Variants in XAF1 observed in about 807,000 individuals in gnomAD.
XAF1 encodes the protein XIAP-associated factor 1.
XAF1 carries 32 observed loss-of-function variants against 32.3 expected under a neutral mutation model. The observed-to-expected ratio is 0.99, with a 90% CI of 0.75 to 1.33. The LOEUF (loss-of-function observed/expected upper bound fraction) is 1.33, where lower values mean the gene tolerates loss of function less well. Among genes scored for constraint, XAF1 ranks in the 40% most tolerant of loss-of-function variants. The pLI, the probability that XAF1 is intolerant of heterozygous loss-of-function variation, is 0.00. For missense variants in XAF1, 379 were observed against 366.0 expected (o/e 1.04, Z -0.29); for synonymous variants, 120 against 125.9 (o/e 0.95, Z 0.31).
chr17:6,765,043 A>C (rs983523326), intron 5 of XAF1, among the ~76,000 whole-genome samples: 1 of 152,110 alleles, frequency 6.6e-6, no homozygotes, highest in Admixed American at 6.5e-5. Flanking sequence ...GGGGGGCCCC[A>C]GGGCTTAGTC....
chr17:6,756,789 C>G (rs1168984386), intron 1 of XAF1, among the ~76,000 whole-genome samples: 1 of 152,102 alleles, frequency 6.6e-6, no homozygotes, highest in African/African-American at 2.4e-5. Context: ...GATGATGCTG[C>G]CTGTGTGCCC....
chr17:6,759,397 A>G, intron 2 of XAF1: 1 of 1,372,598 alleles, frequency 7.3e-7, no homozygotes, highest in Non-Finnish European at 9.4e-7. Context: ...TTCCATGTCC[A>G]TTCCTCCTGG....
upstream of XAF1, chr17:6,755,565 A>G (rs1443287935): frequency 3.5e-5 from 35 of 1,001,920 alleles, no homozygotes; most frequent in Non-Finnish European, 3.7e-5. Flanking sequence ...CTGCATCCCC[A>G]GAGCCTCCCT....
At position 6,762,185 on chromosome 17, in the gene XAF1, T is replaced by C; in HGVS notation, c.452T>C (p.Ile151Thr). Reference sequence around the variant, plus strand: ...AGAATTTCAGCTCCTGAAAGGGAAATCTACTGTCATTATTGCAACCAAATG... The same window carrying C: ...AGAATTTCAGCTCCTGAAAGGGAAACCTACTGTCATTATTGCAACCAAATG... ...GERISAPERE[I>T]YCHYCNQMIP... Residue 151 changes from isoleucine (I) to threonine (T), a missense_variant, in exon 5 of 7, where the codon ATC (isoleucine) becomes ACC (threonine). Transcript: ENST00000361842. 6.2e-7 allele frequency: 1 copy of C among 1,613,808 alleles called. No homozygotes were observed. The highest frequency in any genetic ancestry group is 8.5e-7 in the Non-Finnish European group (1 of 1,179,842).
intron 5 of XAF1, among the ~76,000 whole-genome samples, chr17:6,765,266 A>G (rs1019370443): frequency 3.3e-5 from 5 of 152,012 alleles, no homozygotes; most frequent in African/African-American, 1.2e-4. Context: ...ACAAAAACTT[A>G]GCCGGGTGTG....
chr17:6,761,103 G>C (rs536376526), intron 4 of XAF1, among the ~76,000 whole-genome samples: 3 of 152,046 alleles, frequency 2.0e-5, no homozygotes, highest in Non-Finnish European at 4.4e-5. Flanking sequence ...GCAGTGAGTC[G>C]AGATCGTGCC....
chr17:6,762,023 G>A (rs556750003), intron 4 of XAF1, 132 bp from the exon 5 acceptor site: 1 of 1,549,618 alleles, frequency 6.5e-7, no homozygotes, highest in East Asian at 2.4e-5. Context: ...GGCAGCGCAG[G>A]AAAGTCAAGA....
chr17:6,757,064 C>T (rs149419825), intron 1 of XAF1, among the ~76,000 whole-genome samples: 56 of 151,464 alleles, frequency 3.7e-4, no homozygotes, highest in African/African-American at 1.2e-3. Context: ...TGCAATGGCG[C>T]GATTTCAGCT....
rs1005482769 is a variant in XAF1, at chr17:6,756,379, C to T, written c.32+269C>T. The T allele has an allele frequency of 6.0e-6, 6 of 993,606 alleles. No homozygotes were observed. In the African/African-American group the frequency reaches 6.6e-5, roughly 11 times the overall value. The allele number at this position is 993,606 out of a possible 1,614,324, so 61.5% of individuals were successfully genotyped here. ...ACAGTTCTGAAGCCAAATAGCCCGG[C>T]CAGTGGTCCCAACTGGGCTACTCAT... On this transcript the variant is annotated intron_variant, in intron 1 of 6. Transcript: ENST00000361842.
intron 5 of XAF1, among the ~76,000 whole-genome samples, chr17:6,763,955 C>G (rs780044809): frequency 1.3e-5 from 2 of 152,214 alleles, no homozygotes; most frequent in African/African-American, 4.8e-5. Context: ...TGAGAAAATA[C>G]TTGGTGAGCA....
Position 6,773,443 on chromosome 17 carries a change from A to G in XAF1, c.*274A>G, listed in dbSNP as rs1976207141. On this transcript the variant is annotated 3_prime_UTR_variant, in exon 7 of 7. Transcript: ENST00000361842. ...CTCAAAATAATAAGAGCCATCTATG[A>G]CAAAACCACAGCCAACATCATACTG... The G allele has an allele frequency of 5.6e-6, 2 of 358,522 alleles. No individual in the cohort carries two copies. The highest frequency in any genetic ancestry group is 7.7e-4 in the Middle Eastern group (1 of 1,300). The allele number at this position is 358,522 out of a possible 1,614,324, so 22.2% of individuals were successfully genotyped here.
At chr17:6,755,837 G>C, upstream of XAF1, 1 of 1,348,186 alleles carries the variant, frequency 7.4e-7, no homozygotes, top group Non-Finnish European at 9.6e-7. Flanking sequence ...GCCTCAGGGA[G>C]GTAGATGCGG....
rs1249941215 is a variant in XAF1, at chr17:6,773,849, A to C, written c.*680A>C. On this transcript the variant is annotated 3_prime_UTR_variant, in exon 7 of 7. Coordinates refer to ENST00000361842, the MANE Select transcript of XAF1 (RefSeq NM_017523.5). ...CCTAGGAATACAGCTAACCAGGGAG[A>C]TGAAAGATCTCTACAACAAAAATTA... 1 of 152,192 alleles carries C rather than the reference A, an allele frequency of 6.6e-6. No homozygotes were observed. Among genetic ancestry groups the C allele is most frequent in the Non-Finnish European group, 1.5e-5 (1 of 68,018 alleles). 9.4% of individuals were successfully genotyped at this position (152,192 alleles called of 1,614,324 possible). A position where few individuals can be genotyped will look rare whatever the true frequency, so the allele number is the denominator to read the frequency against.
At position 6,756,228 on chromosome 17, in the gene XAF1, C is replaced by T. The variant is rs988572409; in HGVS notation, c.32+118C>T. 3 of 1,546,714 alleles carry T rather than the reference C, an allele frequency of 1.9e-6. No homozygotes were observed. The African/African-American group carries it at 4.2e-5, about 22-fold the overall frequency. On this transcript the variant is annotated intron_variant, in intron 1 of 6. Coordinates refer to ENST00000361842, the MANE Select transcript of XAF1 (RefSeq NM_017523.5). Reference sequence around the variant, plus strand: ...TCCTGCATAAGAACACTTAGGAGGACAAGCAGCTGGAGACCGTGGGCCCCA... The same window carrying T: ...TCCTGCATAAGAACACTTAGGAGGATAAGCAGCTGGAGACCGTGGGCCCCA...
chr17:6,770,939 TCA>T lies in XAF1; in HGVS notation c.805_806del (p.Gln269ValfsTer49). The T allele has an allele frequency of 6.2e-7, 1 of 1,614,134 alleles. No homozygotes were observed. Among genetic ancestry groups the T allele is most frequent in the Non-Finnish European group, 8.5e-7 (1 of 1,180,012 alleles). On this transcript the variant is annotated frameshift_variant, in exon 6 of 7. Coordinates refer to ENST00000361842, the MANE Select transcript of XAF1 (RefSeq NM_017523.5). LOFTEE classifies it high-confidence loss of function. Reference protein sequence around the residue: ...AAYDILRRCSQCGILLPLPIL... With the variant: ...AAYDILRRCSXCGILLPLPIL... ...CCTATGACATTCTGAGGAGATGTTC[TCA>T]GTGTGGCATCCTGCTTCCCCTGCCG...
chr17:6,759,913 G>C (rs1262232335), intron 3 of XAF1, 195 bp downstream of exon 3: 4 of 907,546 alleles, frequency 4.4e-6, no homozygotes, highest in African/African-American at 1.7e-5. Flanking sequence ...TGATCAGAAG[G>C]GTTTTCCATG....
At chr17:6,759,583 A>C (rs1028571318) in intron 2 of XAF1, 79 bp from the exon 3 acceptor site, 1 of 1,600,050 alleles carries the variant, frequency 6.2e-7, no homozygotes, top group Admixed American at 1.7e-5. Flanking sequence ...ACTGTGAGCC[A>C]AAGTGGATGT....
Position 6,775,202 on chromosome 17 carries a change from A to T in XAF1, c.*2033A>T, listed in dbSNP as rs1446445040. The T allele has an allele frequency of 6.6e-6, 1 of 152,214 alleles. No individual in the cohort carries two copies. The highest frequency in any genetic ancestry group is 1.5e-5 in the Non-Finnish European group (1 of 68,038). The allele number at this position is 152,214 out of a possible 1,614,324, so 9.4% of individuals were successfully genotyped here. ...AGAAAACCAAATACCACATGTTCTC[A>T]CTTATAAGTAGAAGCTAAACATTGA... On this transcript the variant is annotated 3_prime_UTR_variant, in exon 7 of 7. Coordinates refer to ENST00000361842, the MANE Select transcript of XAF1 (RefSeq NM_017523.5).
intron 5 of XAF1, among the ~76,000 whole-genome samples, chr17:6,767,210 A>G (rs951472534): frequency 6.6e-6 from 1 of 152,236 alleles, no homozygotes; most frequent in African/African-American, 2.4e-5. Context: ...TAAAAGAAAT[A>G]AAATTGATTA....
Sources: allele counts gnomAD v4.1 joint callset (sites outside exome capture counted in the v4.1 genomes callset), GRCh38; gene constraint gnomAD v4.1.1; transcripts MANE v1.5; gene names NCBI Gene and HGNC (gene_info 2026-07-23, HGNC 2026-07-21).